OTOF: variants seen among roughly 807,000 people sequenced by gnomAD.
OTOF encodes fer-1-like family member 2.
In OTOF, 218 loss-of-function variants were observed where a neutral mutation model predicts 236.8. That is an observed-to-expected ratio of 0.92 (90% CI 0.82 to 1.03). The LOEUF (loss-of-function observed/expected upper bound fraction) is 1.03, where lower values mean the gene tolerates loss of function less well. Among genes scored for constraint, OTOF ranks in the 50% least tolerant of loss-of-function variants. OTOF has a pLI of 0.00. For missense variants in OTOF, 2,590 were observed against 2,694.4 expected (o/e 0.96, Z 0.86); for synonymous variants, 1,041 against 1,072.5 (o/e 0.97, Z 0.57).
intron 2 of OTOF, among the ~76,000 whole-genome samples, chr2:26,529,795 G>A (rs1323887106): frequency 2.9e-5 from 4 of 139,724 alleles, no homozygotes; most frequent in Non-Finnish European, 6.5e-5. Flanking sequence ...AGAGGGGTCT[G>A]CGGGGTGGGG....
chr2:26,540,466 A>G (rs897899722), intron 1 of OTOF, among the ~76,000 whole-genome samples: 2 of 152,134 alleles, frequency 1.3e-5, no homozygotes, highest in Admixed American at 6.5e-5. Flanking sequence ...CTTCCCTGTG[A>G]TGGGTCTGGG....
At chr2:26,484,753 C>G in intron 11 of OTOF, 120 bp from the exon 12 acceptor site, 2 of 968,720 alleles carry the variant, frequency 2.1e-6, no homozygotes, top group East Asian at 2.6e-5. Flanking sequence ...AGTCCCGGGA[C>G]CTGGGGCCAC....
chr2:26,475,334 C>T (rs1447344976), intron 25 of OTOF, 25 bp downstream of exon 25: 1 of 1,612,364 alleles, frequency 6.2e-7, no homozygotes, highest in Admixed American at 1.7e-5. Flanking sequence ...CTGCTGGGGT[C>T]CCTGGCACCA....
In OTOF at chr2:26,462,266, G is replaced by A; in HGVS notation, c.5193-85C>T. On this transcript the variant is annotated intron_variant, in intron 41 of 46. Coordinates refer to ENST00000272371, the MANE Select transcript of OTOF (RefSeq NM_194248.3). The surrounding 1 kb of genome is among the most constrained non-coding windows in gnomAD (Gnocchi z 4.7). ...AGGGCTGGGATGGGGCAGGCGGAGA[G>A]AAGCCCTGGGGTCTTGGGGTCAGCA... 8.5e-7 allele frequency: 1 copy of A among 1,177,768 alleles called. No individual in the cohort carries two copies. The highest frequency in any genetic ancestry group is 1.3e-6 in the Non-Finnish European group (1 of 785,858). The allele number at this position is 1,177,768 out of a possible 1,614,324, so 73.0% of individuals were successfully genotyped here. A position where few individuals can be genotyped will look rare whatever the true frequency, so the allele number is the denominator to read the frequency against.
chr2:26,525,203 T>A (rs1253279769), intron 3 of OTOF, among the ~76,000 whole-genome samples: 1 of 152,088 alleles, frequency 6.6e-6, no homozygotes, highest in African/African-American at 2.4e-5. Context: ...GCACTAAACA[T>A]CCTCCCTGTG....
intron 2 of OTOF, among the ~76,000 whole-genome samples, chr2:26,537,050 G>A (rs1667088893): frequency 1.3e-5 from 2 of 152,182 alleles, no homozygotes; most frequent in Admixed American, 1.3e-4. Flanking sequence ...GGTGTCGCCT[G>A]CTCCTTTGCT....
chr2:26,487,946 T>A (rs1665741182), intron 11 of OTOF, among the ~76,000 whole-genome samples: 3 of 152,222 alleles, frequency 2.0e-5, no homozygotes. Context: ...ACAGGGGTGC[T>A]ACTCCTAGAT....
At chr2:26,524,503 T>C (rs986616494) in intron 3 of OTOF, among the ~76,000 whole-genome samples, 2 of 152,214 alleles carry the variant, frequency 1.3e-5, no homozygotes, top group African/African-American at 4.8e-5. Context: ...AGTGAGATTC[T>C]GTCTCTGAAC....
rs755944975 is a variant in OTOF, at chr2:26,462,113, C to T, written c.5261G>A (p.Gly1754Glu). 1.9e-6 allele frequency: 3 copies of T among 1,613,908 alleles called. No individual in the cohort carries two copies. The East Asian group carries it at 6.7e-5, about 36-fold the overall frequency. Reference sequence around the variant, plus strand: ...CACGAAGATGTCACTGGACTTCTCCCCTGTGAAGAAGTCGTCGTCCTCCAA... The same window carrying T: ...CACGAAGATGTCACTGGACTTCTCCTCTGTGAAGAAGTCGTCGTCCTCCAA... ...VVLEDDDFFTGEKSSDIFVRG... is the reference protein window; with the variant it reads ...VVLEDDDFFTEEKSSDIFVRG... Residue 1754 changes from glycine to glutamate, a missense_variant, in exon 42 of 47, where the codon GGG (glycine) becomes GAG (glutamate). Transcript: ENST00000272371. This position sits in a 1 kb window ranked among gnomAD's most constrained non-coding sequence, Gnocchi z 4.7.
At chr2:26,537,205 A>C (rs1667092490) in intron 2 of OTOF, among the ~76,000 whole-genome samples, 2 of 152,052 alleles carry the variant, frequency 1.3e-5, no homozygotes, top group African/African-American at 4.8e-5. Flanking sequence ...GCTTCCCCTC[A>C]AGGTCTGGAG....
Position 26,460,160 on chromosome 2 carries a change from C to A in OTOF, c.5859G>T (p.Ser1953=), listed in dbSNP as rs202127439. Residue 1953 remains serine (S), a synonymous_variant, in exon 46 of 47, where the codon TCG becomes TCT. Transcript: ENST00000272371. This position sits in a 1 kb window ranked among gnomAD's most constrained non-coding sequence, Gnocchi z 5.3. The stretch of plus-strand genomic sequence containing the variant: ...ACGTGTGCCACAAGAAGTAGCGAGC[C>A]GACTTGAGAGGGTTCAGGAACCAGA... ...SFIWFLNPLK[S]ARYFLWHTYR... The A allele has an allele frequency of 3.0e-5, 48 of 1,604,356 alleles. No individual in the cohort carries two copies. The highest frequency in any genetic ancestry group is 8.5e-5 in the Admixed American group (5 of 58,818).
At chr2:26,558,278 A>G (rs924866977) in intron 1 of OTOF, among the ~76,000 whole-genome samples, 4 of 152,110 alleles carry the variant, frequency 2.6e-5, no homozygotes, top group African/African-American at 9.7e-5. Context: ...AAGGAGACAC[A>G]GGCATGGAAG....
intron 4 of OTOF, among the ~76,000 whole-genome samples, chr2:26,516,953 C>A (rs1194366539): frequency 6.6e-6 from 1 of 152,168 alleles, no homozygotes; most frequent in African/African-American, 2.4e-5. Flanking sequence ...GTTCAGCATC[C>A]CCATGATCAG....
At chr2:26,476,481 G>A (rs1267412566) in intron 22 of OTOF, among the ~76,000 whole-genome samples, 164 bp from the exon 23 acceptor site, 1 of 126,160 alleles carries the variant, frequency 7.9e-6, no homozygotes, top group Admixed American at 8.4e-5. Flanking sequence ...GCAGGGGGCC[G>A]TCATGCCCCC....
intron 30 of OTOF, 98 bp downstream of exon 30, chr2:26,472,421 G>C (rs1665032016): frequency 6.8e-7 from 1 of 1,476,038 alleles, no homozygotes; most frequent in Non-Finnish European, 9.5e-7. Flanking sequence ...GAGGCTCTTA[G>C]TGTCCTTTTC....
At chr2:26,466,339 C>CA (rs1553349069) in intron 36 of OTOF, 127 of 499,492 alleles carry the variant, frequency 2.5e-4, no homozygotes, top group Non-Finnish European at 4.1e-4. Flanking sequence ...GCTTCTTCTT[C>CA]TTTTTTTTTT....
In OTOF at chr2:26,512,995, C is replaced by T. The variant is rs540554881; in HGVS notation, c.509+3423G>A. On this transcript the variant is annotated intron_variant, in intron 5 of 46. Transcript: ENST00000272371. ...ACAGCACAGCTTCCTGGCACATTACCGGGGGCATTGTGCAAAAAGCCGGCA... is the reference window on the plus strand; with the variant it reads ...ACAGCACAGCTTCCTGGCACATTACTGGGGGCATTGTGCAAAAAGCCGGCA... 8.5e-5 allele frequency among the ~76,000 whole-genome samples: 13 copies of T among 152,230 alleles called. No individual in the cohort carries two copies. In the South Asian group the frequency reaches 1.5e-3, roughly 17 times the overall value.
intron 32 of OTOF, among the ~76,000 whole-genome samples, chr2:26,469,897 C>T (rs1259673225): frequency 6.6e-6 from 1 of 152,158 alleles, no homozygotes; most frequent in Admixed American, 6.5e-5. Flanking sequence ...GGCATGTGTC[C>T]CTCCTGGTCA....
chr2:26,474,256 GC>G, intron 26 of OTOF, 146 bp from the exon 27 acceptor site: 1 of 1,119,804 alleles, frequency 8.9e-7, no homozygotes, highest in Non-Finnish European at 1.3e-6. Flanking sequence ...TAGGAGAGAG[GC>G]CCCTAGGCCC....
Sources: allele counts gnomAD v4.1 joint callset (sites outside exome capture counted in the v4.1 genomes callset), GRCh38; gene constraint gnomAD v4.1.1; non-coding constraint Gnocchi (gnomAD v3.1); transcripts MANE v1.5; gene names NCBI Gene and HGNC (gene_info 2026-07-23, HGNC 2026-07-21).